Variants in NDST3 observed in about 807,000 individuals in gnomAD.
NDST3 encodes the protein N-deacetylase and N-sulfotransferase 3, also known as bifunctional heparan sulfate N-deacetylase/N-sulfotransferase 3.
In NDST3, 58 loss-of-function variants were observed where a neutral mutation model predicts 96.1. That is an observed-to-expected ratio of 0.60 (90% CI 0.49 to 0.75). The LOEUF (loss-of-function observed/expected upper bound fraction) is 0.75, where lower values mean the gene tolerates loss of function less well. Ranked by LOEUF, NDST3 falls within the 30% of genes least tolerant of loss-of-function variation. The pLI is 0.00. For missense variants in NDST3, 788 were observed against 1,034.2 expected (o/e 0.76, Z 3.27); for synonymous variants, 333 against 359.7 (o/e 0.93, Z 0.84).
intron 2 of NDST3, among the ~76,000 whole-genome samples, chr4:118,094,540 A>G (rs1729135832): frequency 6.6e-6 from 1 of 151,802 alleles, no homozygotes; most frequent in Non-Finnish European, 1.5e-5. Context: ...TTTGGGGTAC[A>G]CTTAATGTGT....
chr4:118,156,544 A>G (rs1356850736), intron 6 of NDST3, among the ~76,000 whole-genome samples: 1 of 152,214 alleles, frequency 6.6e-6, no homozygotes, highest in Non-Finnish European at 1.5e-5. Flanking sequence ...TCCCATGACT[A>G]CATACATACT....
At chr4:118,196,490 C>A (rs1737696947) in intron 6 of NDST3, among the ~76,000 whole-genome samples, 2 of 152,056 alleles carry the variant, frequency 1.3e-5, no homozygotes, top group East Asian at 3.9e-4. Flanking sequence ...CTTTTATTTA[C>A]AGGGAGATTT....
intron 3 of NDST3, among the ~76,000 whole-genome samples, chr4:118,111,883 A>G (rs1730670768): frequency 1.3e-5 from 2 of 151,242 alleles, no homozygotes; most frequent in Non-Finnish European, 2.9e-5. Context: ...CTATCTTTTT[A>G]GCCAGGATGG....
At chr4:118,095,697 C>T (rs1729245410) in intron 2 of NDST3, among the ~76,000 whole-genome samples, 1 of 151,572 alleles carries the variant, frequency 6.6e-6, no homozygotes, top group Non-Finnish European at 1.5e-5. Flanking sequence ...TTTCATCACC[C>T]CAAAAGGAAC....
At chr4:118,095,033 A>G (rs1019943891) in intron 2 of NDST3, among the ~76,000 whole-genome samples, 1 of 151,908 alleles carries the variant, frequency 6.6e-6, no homozygotes, top group Non-Finnish European at 1.5e-5. Context: ...CACTATAAAT[A>G]CATGCAATTT....
intron 6 of NDST3, among the ~76,000 whole-genome samples, chr4:118,178,057 T>C (rs907860839): frequency 7.3e-5 from 11 of 151,518 alleles, no homozygotes; most frequent in African/African-American, 2.4e-4. Flanking sequence ...ATTCTGAGGG[T>C]CTCAAGGACC....
chr4:118,082,714 T>C (rs548921582), intron 2 of NDST3, among the ~76,000 whole-genome samples: 1 of 152,234 alleles, frequency 6.6e-6, no homozygotes, highest in African/African-American at 2.4e-5. Context: ...CCACAAGATA[T>C]GCATAAATGT....
intron 6 of NDST3, among the ~76,000 whole-genome samples, chr4:118,183,082 C>T (rs893316513): frequency 1.3e-5 from 2 of 152,166 alleles, no homozygotes; most frequent in African/African-American, 2.4e-5. Context: ...ATGATTTTCT[C>T]CTGCTAACCT....
intron 6 of NDST3, among the ~76,000 whole-genome samples, chr4:118,158,972 G>T (rs748350604): frequency 1.3e-5 from 2 of 152,050 alleles, no homozygotes; most frequent in Non-Finnish European, 2.9e-5. Flanking sequence ...GCTGCATAGA[G>T]GCCAGTAAAA....
At chr4:118,128,825 C>A (rs1179047347) in intron 4 of NDST3, among the ~76,000 whole-genome samples, 1 of 151,840 alleles carries the variant, frequency 6.6e-6, no homozygotes, top group Non-Finnish European at 1.5e-5. Context: ...CTAGGTGTTT[C>A]TTTACTGGGA....
At chr4:118,064,713 G>C (rs571973981) in intron 2 of NDST3, among the ~76,000 whole-genome samples, 1 of 152,174 alleles carries the variant, frequency 6.6e-6, no homozygotes, top group South Asian at 2.1e-4. Flanking sequence ...TAATGCCAAA[G>C]CAAATTACCA....
At chr4:118,207,196 A>G (rs1246907037) in intron 6 of NDST3, among the ~76,000 whole-genome samples, 1 of 139,338 alleles carries the variant, frequency 7.2e-6, no homozygotes. Context: ...CACACAAATT[A>G]TATCTGTGGC....
At chr4:118,059,846 A>C (rs1375871867) in intron 2 of NDST3, among the ~76,000 whole-genome samples, 1 of 152,018 alleles carries the variant, frequency 6.6e-6, no homozygotes, top group African/African-American at 2.4e-5. Flanking sequence ...CATAGTATTA[A>C]TGTTTTGTCA....
intron 6 of NDST3, among the ~76,000 whole-genome samples, chr4:118,162,444 T>C (rs961320764): frequency 8.2e-4 from 124 of 152,098 alleles, no homozygotes; most frequent in Non-Finnish European, 3.1e-4. Flanking sequence ...GAAATAATGC[T>C]GCGTATCTAC....
chr4:118,249,621 T>C (rs1232219670), intron 12 of NDST3, among the ~76,000 whole-genome samples: 1 of 152,094 alleles, frequency 6.6e-6, no homozygotes, highest in Non-Finnish European at 1.5e-5. Flanking sequence ...GTGATTATTC[T>C]CTCTAATACA....
intron 2 of NDST3, among the ~76,000 whole-genome samples, chr4:118,092,715 T>C (rs1036544849): frequency 3.3e-5 from 5 of 151,876 alleles, no homozygotes; most frequent in Non-Finnish European, 5.9e-5. Context: ...GCCTACTACA[T>C]AGCACTGGGC....
chr4:118,168,821 ACAACATGGAT>A (rs1239322257), intron 6 of NDST3, among the ~76,000 whole-genome samples: 1 of 152,210 alleles, frequency 6.6e-6, no homozygotes, highest in East Asian at 1.9e-4. Flanking sequence ...GCTATGTGTG[ACAACATGGAT>A]CAACATTGAG....
chr4:118,054,457 T>C lies in NDST3; in HGVS notation c.547T>C (p.Ser183Pro). ...CTTTCAGTTAAAAGGTTTCCCTTTT[T>C]CCATATATGGAAATCTTGCAGTAAA... is the stretch of plus-strand genomic sequence containing the variant. ...QSFQLKGFPF[S>P]IYGNLAVKDC... The change falls in exon 2 of 14, where the codon TCC (serine) becomes CCC (proline). Residue 183 changes from serine (S) to proline (P), a missense_variant. Physicochemically the swap from Ser to Pro is moderately conservative, Grantham distance 74. This residue lies in a region of NDST3 where 234 missense variants were observed against 256.9 expected (regional missense o/e 0.91). Coordinates refer to ENST00000296499, the MANE Select transcript of NDST3 (RefSeq NM_004784.3). The C allele has an allele frequency of 6.2e-7, 1 of 1,613,094 alleles. No individual in the cohort carries two copies. The highest frequency in any genetic ancestry group is 8.5e-7 in the Non-Finnish European group (1 of 1,179,422).
At chr4:118,171,508 T>G (rs1259762386) in intron 6 of NDST3, among the ~76,000 whole-genome samples, 5 of 149,892 alleles carry the variant, frequency 3.3e-5, no homozygotes, top group Admixed American at 3.3e-4. Flanking sequence ...CCACTGGGGT[T>G]TTTTTGTCTG....
Sources: allele counts gnomAD v4.1 joint callset (sites outside exome capture counted in the v4.1 genomes callset), GRCh38; gene constraint gnomAD v4.1.1; regional missense constraint gnomAD v4.1.1; transcripts MANE v1.5; gene names NCBI Gene and HGNC (gene_info 2026-07-23, HGNC 2026-07-21).